Variants in RIT2 observed in about 807,000 individuals in gnomAD.
RIT2 encodes GTP-binding protein Rit2.
In RIT2, 24 loss-of-function variants were observed where a neutral mutation model predicts 23.7. The observed-to-expected ratio is 1.01, with a 90% CI of 0.73 to 1.43. The LOEUF (loss-of-function observed/expected upper bound fraction) is 1.43. Ranked by LOEUF, RIT2 falls within the 40% of genes most tolerant of loss-of-function variation. RIT2 has a pLI of 0.00. For synonymous variants in RIT2, 107 were observed against 91.1 expected, an observed-to-expected ratio of 1.17 and a Z score of -0.99; for missense variants, 236 against 266.9, an observed-to-expected ratio of 0.88 and a Z score of 0.81.
chr18:42,837,737 C>G (rs577389526), intron 4 of RIT2, among the ~76,000 whole-genome samples: 20 of 152,140 alleles, frequency 1.3e-4, no homozygotes, highest in African/African-American at 4.8e-4. Context: ...CCAGTTTGAG[C>G]CATTAAGCCA....
At chr18:43,063,928 C>T (rs1022652684) in intron 1 of RIT2, among the ~76,000 whole-genome samples, 13 of 152,070 alleles carry the variant, frequency 8.5e-5, no homozygotes, top group African/African-American at 3.1e-4. Flanking sequence ...TTACAGAATT[C>T]CAGTGTCTTA....
At chr18:42,925,080 T>G (rs535547020) in intron 3 of RIT2, among the ~76,000 whole-genome samples, 3 of 152,096 alleles carry the variant, frequency 2.0e-5, no homozygotes, top group African/African-American at 7.2e-5. Flanking sequence ...CAACATGATA[T>G]AGAGTTGGGT....
intron 4 of RIT2, among the ~76,000 whole-genome samples, chr18:42,881,790 C>T (rs919964539): frequency 1.3e-5 from 2 of 152,006 alleles, no homozygotes; most frequent in Admixed American, 6.5e-5. Flanking sequence ...TCATTATGGC[C>T]TATTAGATCA....
rs537227188 is a variant in RIT2 at position 42,783,348 on chromosome 18, T to C, written c.427-39628A>G. On this transcript the variant is annotated intron_variant, in intron 4 of 4. Transcript: ENST00000326695. ...GAGAAATTAGGGCAAAGAGTAAAGC[T>C]ATGGGAGAAATAATGAGAGGATTTC... 2.6e-5 allele frequency among the ~76,000 whole-genome samples: 4 copies of C among 151,982 alleles called. No homozygotes were observed. The South Asian group carries it at 8.3e-4, about 32-fold the overall frequency.
intron 3 of RIT2, among the ~76,000 whole-genome samples, chr18:42,935,766 G>C (rs1016238382): frequency 2.0e-5 from 3 of 152,118 alleles, no homozygotes; most frequent in South Asian, 4.1e-4. Context: ...ACTGAAGCTA[G>C]AGAACCCTCC....
chr18:42,939,495 T>C (rs1370281642), intron 3 of RIT2, among the ~76,000 whole-genome samples: 1 of 152,142 alleles, frequency 6.6e-6, no homozygotes, highest in African/African-American at 2.4e-5. Flanking sequence ...TTTGTTAGGC[T>C]GACAGAGCTA....
intron 1 of RIT2, among the ~76,000 whole-genome samples, chr18:43,106,184 T>C (rs999463892): frequency 6.6e-6 from 1 of 152,216 alleles, no homozygotes; most frequent in Non-Finnish European, 1.5e-5. Flanking sequence ...CTCAGAAGTG[T>C]TCACTTTTAT....
chr18:43,075,955 A>C (rs1469087519), intron 1 of RIT2, among the ~76,000 whole-genome samples: 1 of 152,196 alleles, frequency 6.6e-6, no homozygotes, highest in African/African-American at 2.4e-5. Context: ...GAGATCCTGC[A>C]ATACTAAGTA....
At chr18:42,975,700 C>G (rs1004649356) in intron 2 of RIT2, among the ~76,000 whole-genome samples, 1 of 152,022 alleles carries the variant, frequency 6.6e-6, no homozygotes, top group Non-Finnish European at 1.5e-5. Context: ...TTCTGAAAAT[C>G]TTCATCCTTG....
rs147519250 is a variant in RIT2, at chr18:42,915,721, T to C, written c.426+7851A>G. Among the ~76,000 whole-genome samples, 43 of 152,052 alleles carry C rather than the reference T, an allele frequency of 2.8e-4. No individual in the cohort carries two copies. The East Asian group carries it at 7.7e-3, about 27-fold the overall frequency. ...TAGATGTGCAACATAAACGGTGAAA[T>C]TTAGAATTTTCTAAATGACAAATTT... is the stretch of plus-strand genomic sequence containing the variant. On this transcript the variant is annotated intron_variant, in intron 4 of 4. Transcript: ENST00000326695.
At chr18:42,785,070 T>C (rs1913893630) in intron 4 of RIT2, among the ~76,000 whole-genome samples, 1 of 152,114 alleles carries the variant, frequency 6.6e-6, no homozygotes, top group Admixed American at 6.6e-5. Flanking sequence ...AATTCAGATA[T>C]AGCATTTTCT....
intron 1 of RIT2, among the ~76,000 whole-genome samples, chr18:43,052,155 C>T (rs1402518329): frequency 6.6e-6 from 1 of 152,130 alleles, no homozygotes; most frequent in Non-Finnish European, 1.5e-5. Context: ...ATAACGACAA[C>T]TTATTTTCCT....
At chr18:42,786,714 C>G (rs908276267) in intron 4 of RIT2, among the ~76,000 whole-genome samples, 3 of 152,134 alleles carry the variant, frequency 2.0e-5, no homozygotes, top group Admixed American at 2.0e-4. Flanking sequence ...TAGAGCTCCT[C>G]ATTTCCACCC....
chr18:42,808,853 G>T (rs1295491666), intron 4 of RIT2, among the ~76,000 whole-genome samples: 1 of 152,052 alleles, frequency 6.6e-6, no homozygotes, highest in Non-Finnish European at 1.5e-5. Context: ...TATTCAGACA[G>T]GCTCTTTACT....
intron 4 of RIT2, among the ~76,000 whole-genome samples, chr18:42,747,471 C>T (rs1912944964): frequency 6.6e-6 from 1 of 152,016 alleles, no homozygotes; most frequent in African/African-American, 2.4e-5. Flanking sequence ...AATGACCATG[C>T]TGCCAAAAGC....
At chr18:43,099,067 T>C (rs1371506610) in intron 1 of RIT2, among the ~76,000 whole-genome samples, 1 of 152,000 alleles carries the variant, frequency 6.6e-6, no homozygotes, top group Non-Finnish European at 1.5e-5. Context: ...AAATCATATA[T>C]AACAAATTTA....
intron 4 of RIT2, among the ~76,000 whole-genome samples, chr18:42,778,082 A>G (rs2143927056): frequency 6.6e-6 from 1 of 152,262 alleles, no homozygotes; most frequent in Middle Eastern, 3.4e-3. Context: ...CAAAGCCCTC[A>G]TGCTGCCTAT....
intron 1 of RIT2, among the ~76,000 whole-genome samples, chr18:43,067,382 C>T (rs1177827923): frequency 1.5e-4 from 23 of 152,092 alleles, no homozygotes; most frequent in Non-Finnish European, 3.2e-4. Context: ...AAATGAGTGA[C>T]CATGTGCATG....
At chr18:42,861,834 G>T (rs539801905) in intron 4 of RIT2, among the ~76,000 whole-genome samples, 1 of 152,022 alleles carries the variant, frequency 6.6e-6, no homozygotes. Context: ...TGCTAAACAG[G>T]GGCTAAACAA....
Sources: allele counts gnomAD v4.1 joint callset (sites outside exome capture counted in the v4.1 genomes callset), GRCh38; gene constraint gnomAD v4.1.1; transcripts MANE v1.5; gene names NCBI Gene and HGNC (gene_info 2026-07-23, HGNC 2026-07-21).